The following BNC2 variants were observed in gnomAD, a reference collection of about 807,000 sequenced individuals.
BNC2 encodes the protein zinc finger protein basonuclin-2.
In BNC2, 20 loss-of-function variants were observed where a neutral mutation model predicts 76.3. That is an observed-to-expected ratio of 0.26 (90% confidence interval 0.18 to 0.38). BNC2 has a LOEUF of 0.38. Among genes scored for constraint, BNC2 ranks in the 10% least tolerant of loss-of-function variants. BNC2 has a pLI of 1.00. For synonymous variants in BNC2, 582 were observed against 514.8 expected, an observed-to-expected ratio of 1.13 and a Z score of -1.77; for missense variants, 1,382 against 1,399.8, an observed-to-expected ratio of 0.99 and a Z score of 0.20.
intron 5 of BNC2, among the ~76,000 whole-genome samples, chr9:16,511,031 A>C (rs985465435): frequency 9.9e-5 from 15 of 152,114 alleles, no homozygotes; most frequent in Admixed American, 3.9e-4. Flanking sequence ...GATAGGCAAA[A>C]CTTGGAATAG....
intron 1 of BNC2, among the ~76,000 whole-genome samples, chr9:16,758,647 G>C (rs1825463544): frequency 6.6e-6 from 1 of 152,214 alleles, no homozygotes; most frequent in East Asian, 1.9e-4. Flanking sequence ...CATTTCTTAT[G>C]TAAGATATAT....
chr9:16,748,440 G>T (rs1563925323), intron 1 of BNC2, among the ~76,000 whole-genome samples: 1 of 152,152 alleles, frequency 6.6e-6, no homozygotes, highest in Non-Finnish European at 1.5e-5. Flanking sequence ...CTGAGCCCGG[G>T]GTGGTCGAGG....
At chr9:16,637,012 G>A (rs1464672627) in intron 3 of BNC2, among the ~76,000 whole-genome samples, 3 of 151,444 alleles carry the variant, frequency 2.0e-5, no homozygotes, top group Non-Finnish European at 4.4e-5. Context: ...ACCCTTAAGA[G>A]TAAACCCTGC....
chr9:16,667,610 T>C (rs1168379664), intron 3 of BNC2, among the ~76,000 whole-genome samples: 1 of 152,198 alleles, frequency 6.6e-6, no homozygotes, highest in Admixed American at 6.5e-5. Context: ...TGAGATAGCC[T>C]TTTGACAGCA....
At chr9:16,518,614 T>C (rs1000658474) in intron 5 of BNC2, among the ~76,000 whole-genome samples, 1 of 151,998 alleles carries the variant, frequency 6.6e-6, no homozygotes, top group East Asian at 1.9e-4. Flanking sequence ...GTTTGTTTTT[T>C]GTTTTTTGTT....
chr9:16,435,637 T>A lies in BNC2; in HGVS notation c.2557A>T (p.Arg853Trp). Residue 853 changes from arginine (R) to tryptophan (W), a missense_variant, in exon 6 of 7, where the codon AGG becomes TGG. Coordinates refer to ENST00000380672, the MANE Select transcript of BNC2 (RefSeq NM_017637.6). ...KSSYSVKLHY[R>W]NVHLKEMHVC... Reference sequence around the variant, plus strand: ...TGCATCTCTTTCAAGTGAACGTTCCTGTAGTGAAGTTTCACACTGTAGGAG... The same window carrying A: ...TGCATCTCTTTCAAGTGAACGTTCCAGTAGTGAAGTTTCACACTGTAGGAG... 1.2e-6 allele frequency: 2 copies of A among 1,614,152 alleles called. No homozygotes were observed. The highest frequency in any genetic ancestry group is 1.7e-6 in the Non-Finnish European group (2 of 1,180,002).
chr9:16,755,959 A>G (rs1172581546), intron 1 of BNC2, among the ~76,000 whole-genome samples: 4 of 152,210 alleles, frequency 2.6e-5, no homozygotes, highest in Admixed American at 2.6e-4. Context: ...TTCAGTCTCC[A>G]GTTTTTACAA....
intron 1 of BNC2, among the ~76,000 whole-genome samples, chr9:16,831,172 C>T (rs1396916456): frequency 6.6e-6 from 1 of 152,200 alleles, no homozygotes; most frequent in Non-Finnish European, 1.5e-5. Flanking sequence ...GCAGAGCCTA[C>T]TTTATTATTA....
intron 1 of BNC2, among the ~76,000 whole-genome samples, chr9:16,815,764 G>C (rs1338437242): frequency 6.6e-6 from 1 of 152,152 alleles, no homozygotes; most frequent in African/African-American, 2.4e-5. Context: ...TGACTTTGAA[G>C]AACTCTTCTC....
intron 3 of BNC2, among the ~76,000 whole-genome samples, chr9:16,607,008 T>C (rs746134915): frequency 1.4e-4 from 21 of 152,074 alleles, no homozygotes; most frequent in Non-Finnish European, 2.6e-4. Context: ...AGTGCAGTGG[T>C]GTGACCACAG....
intron 5 of BNC2, among the ~76,000 whole-genome samples, chr9:16,533,437 A>G (rs1818042823): frequency 6.6e-6 from 1 of 152,198 alleles, no homozygotes; most frequent in South Asian, 2.1e-4. Flanking sequence ...CAAATAAGGA[A>G]TAAAGCATAA....
intron 3 of BNC2, among the ~76,000 whole-genome samples, chr9:16,663,714 T>C (rs1204989254): frequency 6.6e-6 from 1 of 152,198 alleles, no homozygotes; most frequent in Non-Finnish European, 1.5e-5. Flanking sequence ...TCAATTCAAA[T>C]GTGCCTGCTG....
intron 2 of BNC2, among the ~76,000 whole-genome samples, chr9:16,730,048 C>A (rs971495671): frequency 6.6e-6 from 1 of 151,852 alleles, no homozygotes; most frequent in Non-Finnish European, 1.5e-5. Flanking sequence ...TAGCCCCCAC[C>A]CCGTTTTTTC....
At chr9:16,523,941 C>T (rs1317714056) in intron 5 of BNC2, among the ~76,000 whole-genome samples, 1 of 152,130 alleles carries the variant, frequency 6.6e-6, no homozygotes, top group African/African-American at 2.4e-5. Flanking sequence ...GCCTGGACAA[C>T]AATTCCATCT....
intron 5 of BNC2, among the ~76,000 whole-genome samples, chr9:16,517,787 C>G (rs10756756): frequency 0.32 from 49,276 of 151,866 alleles, 9,763 homozygotes; most frequent in African/African-American, 0.56. Flanking sequence ...TTGTAGGTTC[C>G]ATGTAACCAT....
intron 3 of BNC2, among the ~76,000 whole-genome samples, chr9:16,707,601 C>G (rs2134675838): frequency 6.6e-6 from 1 of 152,226 alleles, no homozygotes; most frequent in South Asian, 2.1e-4. Flanking sequence ...GAAGGATAAG[C>G]AATCTCATTT....
chr9:16,851,855 C>A (rs550131546), intron 1 of BNC2, among the ~76,000 whole-genome samples: 13 of 152,278 alleles, frequency 8.5e-5, no homozygotes, highest in South Asian at 6.2e-4. Context: ...ATACTTCTCA[C>A]ACATATGTTA....
intron 3 of BNC2, among the ~76,000 whole-genome samples, chr9:16,624,827 T>C (rs1378318161): frequency 6.6e-6 from 1 of 152,250 alleles, no homozygotes; most frequent in Non-Finnish European, 1.5e-5. Flanking sequence ...GAATGATCTT[T>C]ATGTGGCTGA....
At chr9:16,779,130 A>AAAAAAGAAAAG (rs556932807) in intron 1 of BNC2, among the ~76,000 whole-genome samples, 1 of 87,630 alleles carries the variant, frequency 1.1e-5, no homozygotes, top group Non-Finnish European at 2.2e-5. Flanking sequence ...AAAAAAAAAA[A>AAAAAAGAAAAG]AAAAGAAAAG....
Sources: allele counts gnomAD v4.1 joint callset (sites outside exome capture counted in the v4.1 genomes callset), GRCh38; gene constraint gnomAD v4.1.1; transcripts MANE v1.5; gene names NCBI Gene and HGNC (gene_info 2026-07-23, HGNC 2026-07-21).